TOM1L2: variants seen among roughly 807,000 people sequenced by gnomAD.
TOM1L2 encodes the protein target of myb1 like 2 membrane trafficking protein.
In TOM1L2, 31 loss-of-function variants were observed where a neutral mutation model predicts 67.9. That is an observed-to-expected ratio of 0.46 (90% CI 0.34 to 0.62). The LOEUF is 0.62. TOM1L2 is among the 20% of genes least tolerant of loss of function. The pLI is 0.01. For synonymous variants in TOM1L2, 256 were observed against 254.0 expected (o/e 1.01, Z -0.07); for missense variants, 606 against 663.5 (o/e 0.91, Z 0.95).
intron 7 of TOM1L2, among the ~76,000 whole-genome samples, chr17:17,870,972 G>A (rs1003745038): frequency 6.6e-6 from 1 of 152,216 alleles, no homozygotes; most frequent in Admixed American, 6.5e-5. Context: ...CTCCCGTCTA[G>A]ACTGAAGCTC....
intron 9 of TOM1L2, 66 bp from the exon 10 acceptor site, chr17:17,866,485 G>C: frequency 6.7e-7 from 1 of 1,498,860 alleles, no homozygotes; most frequent in Non-Finnish European, 8.9e-7. Context: ...GTAGAAGCTG[G>C]CAAGGCAACT....
Position 17,893,822 on chromosome 17 carries a change from A to G in TOM1L2, c.217-12T>C. The G allele has an allele frequency of 1.2e-6, 2 of 1,612,438 alleles. No individual in the cohort carries two copies. The highest frequency in any genetic ancestry group is 1.7e-6 in the Non-Finnish European group (2 of 1,179,148). ...CATGTCTCCAGCACCTGATGTGGGG[A>G]GGGAAGGAAAAGGGTCACCCCAGTG... is the stretch of plus-strand genomic sequence containing the variant. On this transcript the variant is annotated splice_polypyrimidine_tract_variant and intron_variant, in intron 3 of 14. Transcript: ENST00000379504.
chr17:17,869,772 CT>C (rs919359720), intron 7 of TOM1L2: 24 of 914,086 alleles, frequency 2.6e-5, no homozygotes, highest in Non-Finnish European at 3.3e-5. Flanking sequence ...TTCCAGATTG[CT>C]TTTTCTCAAC....
intron 4 of TOM1L2, 66 bp from the exon 5 acceptor site, chr17:17,884,834 G>A (rs2037911939): frequency 6.2e-7 from 1 of 1,601,846 alleles, no homozygotes; most frequent in Non-Finnish European, 8.5e-7. Context: ...AAAATCCAAA[G>A]TGGCCCACGT....
At position 17,884,660 on chromosome 17, in the gene TOM1L2, G is replaced by T. The variant is rs766958630; in HGVS notation, c.475C>A (p.Leu159Met). The change falls in exon 5 of 15, where the codon CTG becomes ATG. Residue 159 changes from leucine to methionine, a missense_variant. Transcript: ENST00000379504. ...CGCTGTGGTGTGTGTATGGGAGACA[G>T]AGCGTCCAAGTCTGCCATGGGAAAT... ...VEFPMADLDA[L>M]SPIHTPQRSV... 2 of 1,614,104 alleles carry T rather than the reference G, an allele frequency of 1.2e-6. No homozygotes were observed. The highest frequency in any genetic ancestry group is 2.7e-5 in the African/African-American group (2 of 75,034).
chr17:17,858,311 A>G (rs1178973600), intron 12 of TOM1L2: 1 of 154,746 alleles, frequency 6.5e-6, no homozygotes, highest in Non-Finnish European at 1.4e-5. Context: ...TGCCTTTTAA[A>G]ATATTTATTT....
At chr17:17,869,766 A>G in intron 7 of TOM1L2, 1 of 981,774 alleles carries the variant, frequency 1.0e-6, no homozygotes, top group Non-Finnish European at 1.3e-6. Flanking sequence ...GATTCTTTCC[A>G]GATTGCTTTT....
At chr17:17,967,606 CTCTT>C (rs1329263579) in intron 1 of TOM1L2, among the ~76,000 whole-genome samples, 1 of 152,156 alleles carries the variant, frequency 6.6e-6, no homozygotes, top group Non-Finnish European at 1.5e-5. Flanking sequence ...GGCTTTCTCT[CTCTT>C]TTTTTTCTTT....
intron 1 of TOM1L2, among the ~76,000 whole-genome samples, chr17:17,932,900 G>A (rs910032983): frequency 6.6e-6 from 1 of 151,888 alleles, no homozygotes; most frequent in Non-Finnish European, 1.5e-5. Flanking sequence ...AAATCTGTGG[G>A]GATTTAAATT....
rs752320229 is a variant in TOM1L2, at chr17:17,866,932, G to A, written c.912-8C>T. 29 of 1,613,846 alleles carry A rather than the reference G, an allele frequency of 1.8e-5. No homozygotes were observed. The highest frequency in any genetic ancestry group is 2.3e-5 in the Non-Finnish European group (27 of 1,179,902). On this transcript the variant is annotated splice_polypyrimidine_tract_variant and splice_region_variant and intron_variant, in intron 8 of 14. Coordinates refer to ENST00000379504, the MANE Select transcript of TOM1L2 (RefSeq NM_001082968.2). ...GACCTGTATCGTTCGAACCTAACAG[G>A]GGAAGGGAAAGCAGAAGTAAGGAGA...
At chr17:17,911,521 A>C (rs1285048346) in intron 1 of TOM1L2, among the ~76,000 whole-genome samples, 5 of 152,206 alleles carry the variant, frequency 3.3e-5, no homozygotes, top group African/African-American at 1.2e-4. Context: ...AGGTGACAAA[A>C]TAAATGAGAC....
chr17:17,890,440 A>G (rs998817523), intron 4 of TOM1L2, among the ~76,000 whole-genome samples: 1 of 152,242 alleles, frequency 6.6e-6, no homozygotes, highest in Admixed American at 6.5e-5. Flanking sequence ...GAATATATAT[A>G]TGCTCAAGAA....
chr17:17,970,299 T>C (rs924777285), intron 1 of TOM1L2, among the ~76,000 whole-genome samples: 1 of 151,916 alleles, frequency 6.6e-6, no homozygotes, highest in African/African-American at 2.4e-5. Flanking sequence ...CTCCTGACCT[T>C]GTGATCCGCC....
At chr17:17,911,905 C>T (rs2039370384) in intron 1 of TOM1L2, among the ~76,000 whole-genome samples, 2 of 148,760 alleles carry the variant, frequency 1.3e-5, no homozygotes, top group Admixed American at 6.7e-5. Context: ...GCACATCTTG[C>T]ACCGCCCTTA....
intron 1 of TOM1L2, among the ~76,000 whole-genome samples, chr17:17,944,354 G>C (rs2040856364): frequency 6.6e-6 from 1 of 152,226 alleles, no homozygotes. Context: ...GAGTCTGTAA[G>C]CTCACGGCTG....
chr17:17,919,892 A>T (rs2039785074), intron 1 of TOM1L2, among the ~76,000 whole-genome samples: 1 of 152,066 alleles, frequency 6.6e-6, no homozygotes, highest in Non-Finnish European at 1.5e-5. Context: ...CTCTCTCTCT[A>T]ATAGGAAGAA....
At chr17:17,882,438 C>T (rs79572919) in intron 6 of TOM1L2, among the ~76,000 whole-genome samples, 5,948 of 152,322 alleles carry the variant, frequency 0.039, 313 homozygotes, top group East Asian at 0.27. Context: ...TCAGGACCCT[C>T]TGCATGTCAG....
chr17:17,860,521 G>A (rs1274943346), intron 12 of TOM1L2, among the ~76,000 whole-genome samples: 1 of 152,198 alleles, frequency 6.6e-6, no homozygotes, highest in Non-Finnish European at 1.5e-5. Flanking sequence ...GCCTGCCTGG[G>A]CCCATTGGAC....
At chr17:17,950,789 A>T (rs2041168848) in intron 1 of TOM1L2, among the ~76,000 whole-genome samples, 2 of 152,218 alleles carry the variant, frequency 1.3e-5, no homozygotes, top group Admixed American at 1.3e-4. Flanking sequence ...ATACACAGAA[A>T]ATCTGTGACA....
Sources: gnomAD v4.1 joint callset for allele counts (sites outside exome capture counted in the v4.1 genomes callset) on GRCh38, gnomAD v4.1.1 for gene constraint, MANE v1.5 for transcripts, NCBI Gene and HGNC (gene_info 2026-07-23, HGNC 2026-07-21) for gene names.